Variants in NTRK3 observed in about 807,000 individuals in gnomAD.
NTRK3 encodes the protein neurotrophic receptor tyrosine kinase 3.
Under a neutral mutation model 91.7 loss-of-function variants are expected in NTRK3, and 24 were observed. That is an observed-to-expected ratio of 0.26 (90% CI 0.19 to 0.37). The LOEUF is 0.37. Among genes scored for constraint, NTRK3 ranks in the 10% least tolerant of loss-of-function variants. The pLI is 1.00. For missense variants in NTRK3, 880 were observed against 1,068.9 expected, an observed-to-expected ratio of 0.82 and a Z score of 2.46; for synonymous variants, 483 against 404.0, an observed-to-expected ratio of 1.20 and a Z score of -2.34.
intron 14 of NTRK3, chr15:87,981,150 T>C: frequency 6.5e-7 from 1 of 1,550,010 alleles, no homozygotes; most frequent in Non-Finnish European, 8.7e-7. Flanking sequence ...TTGATGAGTC[T>C]TAAGGTCTTA....
At chr15:87,984,685 T>C (rs117858103) in intron 14 of NTRK3, among the ~76,000 whole-genome samples, 1,583 of 152,334 alleles carry the variant, frequency 0.01, 14 homozygotes, top group South Asian at 0.034. Context: ...TTTAAAAATT[T>C]GTTGCTTAGT....
intron 14 of NTRK3, among the ~76,000 whole-genome samples, chr15:87,949,355 C>A (rs1420289919): frequency 3.3e-5 from 5 of 152,052 alleles, no homozygotes; most frequent in Non-Finnish European, 7.4e-5. Flanking sequence ...AAACAAAGTG[C>A]CTCCGTGGTC....
chr15:87,878,103 A>C (rs1391947493), intron 18 of NTRK3, among the ~76,000 whole-genome samples: 1 of 152,124 alleles, frequency 6.6e-6, no homozygotes, highest in East Asian at 1.9e-4. Flanking sequence ...GTTGGTTTTC[A>C]CTTCTCCCTA....
chr15:88,056,017 G>A (rs2045641873), intron 13 of NTRK3, among the ~76,000 whole-genome samples: 1 of 151,906 alleles, frequency 6.6e-6, no homozygotes, highest in African/African-American at 2.4e-5. Context: ...GTAGGTTAAG[G>A]CATGACTTGT....
At chr15:88,000,695 T>C (rs1367935851) in intron 14 of NTRK3, among the ~76,000 whole-genome samples, 2 of 152,222 alleles carry the variant, frequency 1.3e-5, no homozygotes, top group Non-Finnish European at 2.9e-5. Context: ...CAATACTCTA[T>C]TCCTTTTTAT....
At chr15:87,866,726 T>C (rs1368417139) in exon 19 of NTRK3, 2 of 190,704 alleles carry the variant, frequency 1.0e-5, no homozygotes, top group Non-Finnish European at 2.2e-5. Context: ...AAAGGAAGCA[T>C]ATTATCAGGT....
At chr15:88,109,753 A>T (rs28450843) in intron 13 of NTRK3, among the ~76,000 whole-genome samples, 90,973 of 151,978 alleles carry the variant, frequency 0.6, 28,159 homozygotes, top group African/African-American at 0.75. Context: ...ATTCTGACCC[A>T]CTGGCTGGGG....
intron 17 of NTRK3, among the ~76,000 whole-genome samples, chr15:87,917,769 G>T (rs912074491): frequency 2.6e-5 from 4 of 151,980 alleles, no homozygotes; most frequent in African/African-American, 9.7e-5. Context: ...TCTCTCTCTT[G>T]CTCCCTCCCT....
chr15:88,126,416 A>C, intron 12 of NTRK3, 43 bp from the exon 13 acceptor site: 1 of 1,380,446 alleles, frequency 7.2e-7, no homozygotes. Context: ...AATCACAGAA[A>C]ACCCAATTTC....
In NTRK3 at chr15:88,176,136, C is replaced by CTTTTTTTTTT. The variant is rs139583264; in HGVS notation, c.395+7272_395+7281dup. Reference sequence around the variant, plus strand: ...TGTAATATTTGCCTATATGCCCCTTCTTTTTTTTTTTTTTTTTTTGAGACA... The same window carrying CTTTTTTTTTT: ...TGTAATATTTGCCTATATGCCCCTTCTTTTTTTTTTTTTTTTTTTTTTTTTTTTTGAGACA... On this transcript the variant is annotated intron_variant, in intron 5 of 18. Transcript: ENST00000394480. Among the ~76,000 whole-genome samples the CTTTTTTTTTT allele has an allele frequency of 2.7e-3, 319 of 116,050 alleles. 18 individuals are homozygous for CTTTTTTTTTT. The highest frequency in any genetic ancestry group is 1.0e-2 in the African/African-American group (275 of 27,550). 76.1% of individuals were successfully genotyped at this position (116,050 alleles called of 152,430 possible). A position where few individuals can be genotyped will look rare whatever the true frequency, so the allele number is the denominator to read the frequency against.
rs2051550799 is a variant in NTRK3, at chr15:88,234,880, C to T, written c.248+21026G>A. Among the ~76,000 whole-genome samples the T allele has an allele frequency of 1.3e-5, 2 of 152,188 alleles. No homozygotes were observed. The highest frequency in any genetic ancestry group is 4.8e-5 in the African/African-American group (2 of 41,450). The stretch of plus-strand genomic sequence containing the variant: ...CTCCCACCAGCGCACCCTACTCAGC[C>T]CTGCTCCCAGGGCCTCCTATCCAGC... On this transcript the variant is annotated intron_variant, in intron 3 of 18. Transcript: ENST00000394480. This position sits in a 1 kb window ranked among gnomAD's most constrained non-coding sequence, Gnocchi z 6.1.
chr15:87,866,386 C>A lies in NTRK3; in HGVS notation c.*10549G>T, dbSNP rs369669672. The A allele has an allele frequency of 2.4e-4, 42 of 176,270 alleles. No homozygotes were observed. The East Asian group carries it at 3.3e-3, about 14-fold the overall frequency. 10.9% of individuals were successfully genotyped at this position (176,270 alleles called of 1,614,324 possible). On this transcript the variant is annotated 3_prime_UTR_variant, in exon 19 of 19. Transcript: ENST00000394480. Reference sequence around the variant, plus strand: ...AATCAAGAAAAGAAACAATATGGAACTATCCCCAGCATTAAAAAGTATACA... The same window carrying A: ...AATCAAGAAAAGAAACAATATGGAAATATCCCCAGCATTAAAAAGTATACA...
rs985250061 is a variant in NTRK3 at position 88,255,766 on chromosome 15, G to C, written c.248+140C>G. The C allele has an allele frequency of 3.2e-6, 2 of 623,020 alleles. No homozygotes were observed. The highest frequency in any genetic ancestry group is 4.7e-6 in the Non-Finnish European group (2 of 425,968). The allele number at this position is 623,020 out of a possible 1,614,324, so 38.6% of individuals were successfully genotyped here. A position where few individuals can be genotyped will look rare whatever the true frequency, so the allele number is the denominator to read the frequency against. Reference sequence around the variant, plus strand: ...CAGCCGGAGAGCATCTCCCGAGCCAGAGCGAGCCTGACGCGCGCCCAGCGG... The same window carrying C: ...CAGCCGGAGAGCATCTCCCGAGCCACAGCGAGCCTGACGCGCGCCCAGCGG... On this transcript the variant is annotated intron_variant, in intron 3 of 18. Transcript: ENST00000394480. This position sits in a 1 kb window ranked among gnomAD's most constrained non-coding sequence, Gnocchi z 4.3.
chr15:87,971,765 C>A (rs1283336773), intron 14 of NTRK3, among the ~76,000 whole-genome samples: 1 of 152,190 alleles, frequency 6.6e-6, no homozygotes, highest in African/African-American at 2.4e-5. Flanking sequence ...CTGCCAAGGA[C>A]CATGTCACAG....
intron 5 of NTRK3, among the ~76,000 whole-genome samples, chr15:88,169,418 A>G (rs2045304035): frequency 6.6e-6 from 1 of 152,136 alleles, no homozygotes; most frequent in Admixed American, 6.5e-5. Flanking sequence ...TTGTGGAGGA[A>G]GCACCAAGAT....
intron 3 of NTRK3, among the ~76,000 whole-genome samples, chr15:88,206,757 C>T (rs1488470111): frequency 1.3e-5 from 2 of 152,138 alleles, no homozygotes; most frequent in Admixed American, 1.3e-4. Flanking sequence ...CGGGCGGGGC[C>T]GGGTCTTTCC....
chr15:88,222,774 G>C (rs1354609007), intron 3 of NTRK3, among the ~76,000 whole-genome samples: 1 of 152,196 alleles, frequency 6.6e-6, no homozygotes, highest in African/African-American at 2.4e-5. Flanking sequence ...GAAGTGTGGG[G>C]TGCCAGGCAC....
At chr15:88,105,269 T>C (rs562899673) in intron 13 of NTRK3, among the ~76,000 whole-genome samples, 29 of 152,188 alleles carry the variant, frequency 1.9e-4, no homozygotes, top group Non-Finnish European at 3.2e-4. Flanking sequence ...CTGGAGAGTA[T>C]TGGCCTGACT....
intron 14 of NTRK3, among the ~76,000 whole-genome samples, chr15:88,004,382 G>A (rs369304174): frequency 1.3e-5 from 2 of 152,098 alleles, no homozygotes; most frequent in Non-Finnish European, 2.9e-5. Flanking sequence ...TCAGAAAAAC[G>A]GGCAGATAAA....
Sources: allele counts gnomAD v4.1 joint callset (sites outside exome capture counted in the v4.1 genomes callset), GRCh38; gene constraint gnomAD v4.1.1; non-coding constraint Gnocchi (gnomAD v3.1); transcripts MANE v1.5; gene names NCBI Gene and HGNC (gene_info 2026-07-23, HGNC 2026-07-21).